Variants in HMGN5 observed in about 807,000 individuals in gnomAD.
The protein encoded by HMGN5 is high mobility group nucleosome binding domain 5, also known as high mobility group nucleosome-binding domain-containing protein 5.
In HMGN5, 4 loss-of-function variants were observed where a neutral mutation model predicts 9.5. That is an observed-to-expected ratio of 0.42 (90% confidence interval 0.21 to 0.96). The LOEUF (loss-of-function observed/expected upper bound fraction) is 0.96, where lower values mean the gene tolerates loss of function less well. HMGN5 is among the 40% of genes least tolerant of loss of function. The pLI, the probability that HMGN5 is intolerant of heterozygous loss-of-function variation, is 0.30. For missense variants in HMGN5, 192 were observed against 187.5 expected (o/e 1.02, Z -0.14); for synonymous variants, 55 against 57.1 (o/e 0.96, Z 0.16).
intron 1 of HMGN5, among the ~76,000 whole-genome samples, chrX:81,200,760 A>ATG (rs1569354601): frequency 9.0e-6 from 1 of 110,547 alleles, no homozygotes; most frequent in African/African-American, 3.3e-5. Context: ...TAATGTAAAC[A>ATG]ACGAGTTGAT....
intron 1 of HMGN5, among the ~76,000 whole-genome samples, chrX:81,190,607 T>C (rs949321460): frequency 2.7e-5 from 3 of 111,847 alleles, no homozygotes; most frequent in African/African-American, 9.7e-5. Context: ...ATTTCTTTTA[T>C]GGACTGTGGT....
intron 1 of HMGN5, among the ~76,000 whole-genome samples, chrX:81,138,938 T>C (rs1480170664): frequency 2.2e-4 from 25 of 111,907 alleles, no homozygotes; most frequent in African/African-American, 7.5e-4. Context: ...ACAAGTTCTA[T>C]ATGCTTAAAA....
rs764421348 is a variant in HMGN5 at position 81,118,501 on chromosome X, G to GGAAAA, written c.76-21_76-17dup. The GGAAAA allele has an allele frequency of 2.6e-6, 3 of 1,144,666 alleles. No homozygotes were observed. Among genetic ancestry groups the GGAAAA allele is most frequent in the Non-Finnish European group, 3.5e-6 (3 of 851,393 alleles). The allele number at this position is 1,144,666 out of a possible 1,213,427, so 94.3% of individuals were successfully genotyped here. ...GCACAAGCATCTGCTTCAAGTTGTG[G>GGAAAA]GAAAAGAAAAGAAAAGGAAAAAAAT... On this transcript the variant is annotated splice_polypyrimidine_tract_variant and intron_variant, in intron 4 of 6. Coordinates refer to ENST00000358130, the MANE Select transcript of HMGN5 (RefSeq NM_030763.3).
At chrX:81,125,524 C>A (rs899037948) in intron 1 of HMGN5, among the ~76,000 whole-genome samples, 3 of 111,233 alleles carry the variant, frequency 2.7e-5, no homozygotes, top group African/African-American at 9.8e-5. Flanking sequence ...CTTCCTATGT[C>A]CTATGTTTAT....
intron 1 of HMGN5, among the ~76,000 whole-genome samples, chrX:81,144,185 C>A (rs1392111010): frequency 1.8e-5 from 2 of 111,336 alleles, no homozygotes; most frequent in Non-Finnish European, 3.8e-5. Flanking sequence ...GGGTCCCTAA[C>A]CCCCGTGTAT....
intron 1 of HMGN5, among the ~76,000 whole-genome samples, chrX:81,154,658 C>A (rs562974102): frequency 3.6e-5 from 4 of 110,473 alleles, no homozygotes; most frequent in African/African-American, 1.3e-4. Flanking sequence ...GGAGCTCAGA[C>A]AACTCTATAG....
chrX:81,149,727 C>T (rs1242019293), intron 1 of HMGN5, among the ~76,000 whole-genome samples: 1 of 111,446 alleles, frequency 9.0e-6, no homozygotes, highest in Non-Finnish European at 1.9e-5. Context: ...TATTCCATGC[C>T]AATGGAAACT....
intron 1 of HMGN5, among the ~76,000 whole-genome samples, chrX:81,130,312 A>C (rs2075295087): frequency 9.0e-6 from 1 of 111,668 alleles, no homozygotes; most frequent in Admixed American, 9.5e-5. Flanking sequence ...TTAAATTAAT[A>C]ATAACAGCTT....
intron 1 of HMGN5, among the ~76,000 whole-genome samples, chrX:81,176,836 G>C (rs2075443534): frequency 9.0e-6 from 1 of 111,363 alleles, no homozygotes; most frequent in South Asian, 3.8e-4. Flanking sequence ...AGGGAGAATG[G>C]GACCAAGTTG....
At chrX:81,139,956 A>T (rs2075323578) in intron 1 of HMGN5, among the ~76,000 whole-genome samples, 1 of 112,122 alleles carries the variant, frequency 8.9e-6, no homozygotes, top group South Asian at 3.7e-4. Flanking sequence ...CCAGGGCTGA[A>T]TTGAGCCCAG....
At chrX:81,132,812 A>G (rs1024458610) in intron 1 of HMGN5, among the ~76,000 whole-genome samples, 1 of 111,806 alleles carries the variant, frequency 8.9e-6, no homozygotes, top group African/African-American at 3.3e-5. Flanking sequence ...AAGACACCAA[A>G]AGCAATCCCA....
intron 1 of HMGN5, among the ~76,000 whole-genome samples, chrX:81,126,509 G>A (rs2075284032): frequency 9.0e-6 from 1 of 111,499 alleles, no homozygotes; most frequent in Non-Finnish European, 1.9e-5. Flanking sequence ...AGTAAGTCTG[G>A]TGAATGTGAG....
At chrX:81,133,639 T>G (rs150269303) in intron 1 of HMGN5, among the ~76,000 whole-genome samples, 1 of 111,111 alleles carries the variant, frequency 9.0e-6, no homozygotes, top group Admixed American at 9.6e-5. Context: ...TTCTCACTTA[T>G]ACGTGGGAGC....
chrX:81,118,653 T>A (rs2075260855), intron 4 of HMGN5, 77 bp downstream of exon 4: 2 of 928,457 alleles, frequency 2.2e-6, no homozygotes, highest in Admixed American at 2.9e-5. Context: ...AAATCGTGTA[T>A]TGAATATTTT....
intron 1 of HMGN5, among the ~76,000 whole-genome samples, chrX:81,153,913 G>A (rs1357838685): frequency 4.7e-5 from 5 of 106,977 alleles, no homozygotes; most frequent in Non-Finnish European, 9.6e-5. Context: ...ATACCTCATA[G>A]AATCAATATT....
At chrX:81,179,228 A>G (rs1369182142) in intron 1 of HMGN5, among the ~76,000 whole-genome samples, 1 of 111,776 alleles carries the variant, frequency 8.9e-6, no homozygotes, top group Non-Finnish European at 1.9e-5. Context: ...AAAGAAATAA[A>G]GTGTATTCGA....
chrX:81,174,857 T>C (rs903570410), intron 1 of HMGN5, among the ~76,000 whole-genome samples: 3 of 111,651 alleles, frequency 2.7e-5, no homozygotes, highest in Non-Finnish European at 3.8e-5. Flanking sequence ...ATTTATCTGC[T>C]TTATAGTATA....
chrX:81,133,194 C>A (rs905781702), intron 1 of HMGN5, among the ~76,000 whole-genome samples: 6 of 109,530 alleles, frequency 5.5e-5, no homozygotes, highest in East Asian at 2.8e-4. Context: ...ATTACGAAAT[C>A]AAAAAAAATA....
chrX:81,170,460 T>C (rs2075423303), intron 1 of HMGN5, among the ~76,000 whole-genome samples: 1 of 111,856 alleles, frequency 8.9e-6, no homozygotes, highest in Admixed American at 9.5e-5. Context: ...ATTCCTTTTC[T>C]AGTAAGAAAA....
Sources: gnomAD v4.1 joint callset for allele counts (sites outside exome capture counted in the v4.1 genomes callset) on GRCh38, gnomAD v4.1.1 for gene constraint, MANE v1.5 for transcripts, NCBI Gene and HGNC (gene_info 2026-07-23, HGNC 2026-07-21) for gene names.